The following MACROD2 variants were observed in gnomAD, a reference collection of about 807,000 sequenced individuals.
The protein encoded by MACROD2 is mono-ADP ribosylhydrolase 2.
MACROD2 carries 36 observed loss-of-function variants against 70.4 expected under a neutral mutation model. The observed-to-expected ratio is 0.51, with a 90% CI of 0.39 to 0.68. The LOEUF is 0.68. MACROD2 is among the 30% of genes least tolerant of loss of function. The probability of loss-of-function intolerance (pLI) is 0.00; values close to 1 mark genes in which losing one functional copy is unlikely to be tolerated. For missense variants in MACROD2, 496 were observed against 538.4 expected (o/e 0.92, Z 0.78); for synonymous variants, 172 against 178.8 (o/e 0.96, Z 0.30).
At chr20:15,832,389 T>C (rs575680302) in intron 8 of MACROD2, among the ~76,000 whole-genome samples, 1 of 152,206 alleles carries the variant, frequency 6.6e-6, no homozygotes, top group East Asian at 1.9e-4. Flanking sequence ...CTAAATGTTC[T>C]CAATGGCAGG....
intron 5 of MACROD2, among the ~76,000 whole-genome samples, chr20:14,841,765 T>C (rs2073089893): frequency 6.6e-6 from 1 of 152,096 alleles, no homozygotes; most frequent in African/African-American, 2.4e-5. Flanking sequence ...AAGGTGGTAA[T>C]GCACCACGAA....
chr20:14,367,978 T>C (rs1220840272), intron 3 of MACROD2, among the ~76,000 whole-genome samples: 7 of 152,200 alleles, frequency 4.6e-5, no homozygotes, highest in African/African-American at 1.4e-4. Context: ...AAATTTAAAT[T>C]CTTTGGTAAG....
chr20:14,011,434 A>C (rs1395502593), intron 2 of MACROD2, among the ~76,000 whole-genome samples: 1 of 151,836 alleles, frequency 6.6e-6, no homozygotes, highest in Non-Finnish European at 1.5e-5. Flanking sequence ...TCTCTTCCTT[A>C]ATAATGAATG....
chr20:15,089,708 C>G (rs1177836993), intron 5 of MACROD2, among the ~76,000 whole-genome samples: 13 of 152,074 alleles, frequency 8.5e-5, no homozygotes. Context: ...CACTGAAGGC[C>G]TGCCTTCTTC....
At chr20:14,903,919 T>C (rs570078057) in intron 5 of MACROD2, among the ~76,000 whole-genome samples, 2 of 152,292 alleles carry the variant, frequency 1.3e-5, no homozygotes, top group South Asian at 4.1e-4. Context: ...TTTATTTTTC[T>C]TCACATTCTC....
chr20:14,000,950 T>C (rs2052726279), intron 1 of MACROD2, among the ~76,000 whole-genome samples: 1 of 152,236 alleles, frequency 6.6e-6, no homozygotes, highest in Non-Finnish European at 1.5e-5. Flanking sequence ...CATTTAGTTA[T>C]AGTATTCATA....
chr20:15,340,294 C>T (rs2423939), intron 6 of MACROD2, among the ~76,000 whole-genome samples: 26,698 of 151,302 alleles, frequency 0.18, 2,788 homozygotes, highest in East Asian at 0.47. Context: ...CCCACCACCA[C>T]GCCTGGCTAA....
intron 2 of MACROD2, among the ~76,000 whole-genome samples, chr20:14,077,894 C>CTTTTT (rs58677755): frequency 1.5e-4 from 18 of 120,506 alleles, no homozygotes; most frequent in Non-Finnish European, 2.5e-4. Flanking sequence ...AAAGGTTTTT[C>CTTTTT]TTTTTTTTTT....
chr20:15,713,987 G>GCACACACGCGCACACACACA (rs1555868660), intron 8 of MACROD2, among the ~76,000 whole-genome samples: 1 of 117,698 alleles, frequency 8.5e-6, no homozygotes, highest in African/African-American at 2.8e-5. Context: ...ACACACATAT[G>GCACACACGCGCACACACACA]CACACACACA....
At chr20:15,095,987 T>C (rs1490649761) in intron 5 of MACROD2, among the ~76,000 whole-genome samples, 1 of 152,120 alleles carries the variant, frequency 6.6e-6, no homozygotes, top group African/African-American at 2.4e-5. Flanking sequence ...ATTTCTAATA[T>C]CACTAAAATC....
intron 13 of MACROD2, among the ~76,000 whole-genome samples, chr20:15,978,843 C>T (rs6043647): frequency 6.6e-6 from 1 of 152,004 alleles, no homozygotes; most frequent in African/African-American, 2.4e-5. Flanking sequence ...GTGGGAAAAC[C>T]GAAATATTTT....
At chr20:14,903,415 C>G (rs2073921703) in intron 5 of MACROD2, among the ~76,000 whole-genome samples, 1 of 152,100 alleles carries the variant, frequency 6.6e-6, no homozygotes, top group Non-Finnish European at 1.5e-5. Flanking sequence ...CAAAAACAAC[C>G]TAACATGACA....
chr20:15,468,351 G>T (rs866846405), intron 7 of MACROD2, among the ~76,000 whole-genome samples: 5 of 152,044 alleles, frequency 3.3e-5, no homozygotes, highest in Admixed American at 1.3e-4. Flanking sequence ...AAGAAATTGG[G>T]TTTAGCCTTG....
intron 15 of MACROD2, among the ~76,000 whole-genome samples, chr20:16,005,565 C>T (rs1181694406): frequency 1.3e-5 from 2 of 152,190 alleles, no homozygotes; most frequent in Non-Finnish European, 2.9e-5. Context: ...AAAAAAAGTA[C>T]AGAGGTTGTT....
intron 3 of MACROD2, among the ~76,000 whole-genome samples, chr20:14,387,126 G>C (rs1365851320): frequency 2.0e-5 from 3 of 152,146 alleles, no homozygotes; most frequent in Non-Finnish European, 4.4e-5. Context: ...TTAATTTAAA[G>C]TCTTTTTATA....
chr20:14,731,717 T>C (rs2071599956), intron 5 of MACROD2, among the ~76,000 whole-genome samples: 1 of 152,152 alleles, frequency 6.6e-6, no homozygotes, highest in African/African-American at 2.4e-5. Flanking sequence ...TAAATACTAA[T>C]GAGTGATATG....
intron 6 of MACROD2, among the ~76,000 whole-genome samples, chr20:15,247,761 A>G (rs754303930): frequency 3.3e-5 from 5 of 151,788 alleles, no homozygotes; most frequent in Non-Finnish European, 7.4e-5. Flanking sequence ...GCAGTGACAC[A>G]ATCTCAGCTC....
intron 6 of MACROD2, among the ~76,000 whole-genome samples, chr20:15,262,516 CA>C (rs150999852): frequency 0.012 from 1,838 of 152,132 alleles, 36 homozygotes; most frequent in African/African-American, 0.041. Context: ...TATGGAAGTG[CA>C]GATATCCTTT....
intron 3 of MACROD2, among the ~76,000 whole-genome samples, chr20:14,354,014 TTACTGCATTCCCATCATTAG>T (rs1373049870): frequency 6.6e-6 from 1 of 152,194 alleles, no homozygotes; most frequent in African/African-American, 2.4e-5. Flanking sequence ...TCTAAAGTGG[TTACTGCATTCCCATCATTAG>T]TATTTGAGTT....
Sources: allele counts gnomAD v4.1 joint callset (sites outside exome capture counted in the v4.1 genomes callset), GRCh38; gene constraint gnomAD v4.1.1; transcripts MANE v1.5; gene names NCBI Gene and HGNC (gene_info 2026-07-23, HGNC 2026-07-21).